Variants in RAB11FIP3 observed in about 807,000 individuals in gnomAD.
The protein encoded by RAB11FIP3 is rab11 family-interacting protein 3.
RAB11FIP3 carries 17 observed loss-of-function variants against 77.8 expected under a neutral mutation model. The observed-to-expected ratio is 0.22, with a 90% CI of 0.15 to 0.33. The LOEUF (loss-of-function observed/expected upper bound fraction) is 0.33. Among genes scored for constraint, RAB11FIP3 ranks in the 10% least tolerant of loss-of-function variants. The pLI, the probability that RAB11FIP3 is intolerant of heterozygous loss-of-function variation, is 1.00. For missense variants in RAB11FIP3, 1,005 were observed against 1,011.2 expected (o/e 0.99, Z 0.08); for synonymous variants, 437 against 448.2 (o/e 0.98, Z 0.31).
intron 4 of RAB11FIP3, among the ~76,000 whole-genome samples, chr16:484,802 A>C (rs1433806217): frequency 6.6e-6 from 1 of 152,110 alleles, no homozygotes; most frequent in Non-Finnish European, 1.5e-5. Context: ...TGCTGTAGGG[A>C]TTCCATGTCT....
chr16:464,112 G>A (rs1224835155), intron 2 of RAB11FIP3, among the ~76,000 whole-genome samples: 1 of 152,156 alleles, frequency 6.6e-6, no homozygotes, highest in African/African-American at 2.4e-5. Flanking sequence ...GTGCAGGCAA[G>A]CTCTGGGTCA....
chr16:516,552 T>A (rs138271497), intron 9 of RAB11FIP3, among the ~76,000 whole-genome samples: 1 of 152,154 alleles, frequency 6.6e-6, no homozygotes, highest in East Asian at 1.9e-4. Context: ...AGTGCGTGAG[T>A]CCATATGACA....
intron 4 of RAB11FIP3, among the ~76,000 whole-genome samples, chr16:488,271 T>A (rs1225691591): frequency 6.6e-6 from 1 of 151,308 alleles, no homozygotes; most frequent in Non-Finnish European, 1.5e-5. Flanking sequence ...TCCCAGCTAC[T>A]CGGGAGGTGG....
chr16:438,093 G>A (rs1312369505), intron 1 of RAB11FIP3, among the ~76,000 whole-genome samples: 1 of 151,840 alleles, frequency 6.6e-6, no homozygotes, highest in African/African-American at 2.4e-5. Flanking sequence ...ACAGGCATCA[G>A]CCACTGCGCC....
rs2031866244 is a variant in RAB11FIP3 at position 506,168 on chromosome 16, G to C, written c.1499+541G>C. On this transcript the variant is annotated intron_variant, in intron 8 of 13. Transcript: ENST00000262305. This position sits in a 1 kb window ranked among gnomAD's most constrained non-coding sequence, Gnocchi z 4.5. ...CGCCGTGTTTGCAGAGAAAGAGTGG[G>C]AGCTGCTTGCCTCACTCTGGTTTGC... Among the ~76,000 whole-genome samples the C allele has an allele frequency of 6.6e-6, 1 of 152,174 alleles. No individual in the cohort carries two copies. Among genetic ancestry groups the C allele is most frequent in the South Asian group, 2.1e-4 (1 of 4,824 alleles).
chr16:440,446 C>T (rs1313899345), intron 1 of RAB11FIP3, among the ~76,000 whole-genome samples: 1 of 152,198 alleles, frequency 6.6e-6, no homozygotes, highest in East Asian at 1.9e-4. Context: ...GCTGTCGTCC[C>T]TTCCCTGGGA....
chr16:440,484 C>G (rs1234827523), intron 1 of RAB11FIP3, among the ~76,000 whole-genome samples: 4 of 152,182 alleles, frequency 2.6e-5, no homozygotes, highest in Admixed American at 6.6e-5. Context: ...AAGGGAGGCT[C>G]TTGCTCTGCC....
chr16:502,651 G>A (rs2031596851), intron 6 of RAB11FIP3: 2 of 334,556 alleles, frequency 6.0e-6, no homozygotes, highest in Non-Finnish European at 5.5e-6. Flanking sequence ...GAGATTGTTC[G>A]TGTCTCTGCG....
Position 426,416 on chromosome 16 carries a change from G to C in RAB11FIP3, c.410G>C (p.Cys137Ser), listed in dbSNP as rs1354686304. 1 of 1,583,672 alleles carries C rather than the reference G, an allele frequency of 6.3e-7. No individual in the cohort carries two copies. Among genetic ancestry groups the C allele is most frequent in the South Asian group, 1.1e-5 (1 of 87,196 alleles). The change falls in exon 1 of 14, where the codon TGC (cysteine) becomes TCC (serine). Residue 137 changes from cysteine to serine, a missense_variant. Around this residue, in one of 4 missense-constraint regions of RAB11FIP3, gnomAD observed 466 missense variants for 408.3 expected, o/e 1.14. Transcript: ENST00000262305. This position sits in a 1 kb window ranked among gnomAD's most constrained non-coding sequence, Gnocchi z 5.0. ...CCCGAGGAGTGTGGCCCCGCGAGCTGCCCGGAGAGCGCGCCTTTCCGCTTG... is the reference window on the plus strand; with the variant it reads ...CCCGAGGAGTGTGGCCCCGCGAGCTCCCCGGAGAGCGCGCCTTTCCGCTTG... ...EEPEECGPAS[C>S]PESAPFRLQG...
intron 2 of RAB11FIP3, among the ~76,000 whole-genome samples, chr16:462,873 C>T (rs2055638969): frequency 6.6e-6 from 1 of 151,696 alleles, no homozygotes; most frequent in African/African-American, 2.4e-5. Flanking sequence ...CCTTCCTCAG[C>T]ACAATGTCTT....
chr16:488,135 C>G (rs982154935), intron 4 of RAB11FIP3, among the ~76,000 whole-genome samples: 1 of 152,178 alleles, frequency 6.6e-6, no homozygotes, highest in Non-Finnish European at 1.5e-5. Context: ...AATCCCAACA[C>G]TTTGGGAGGC....
intron 3 of RAB11FIP3, chr16:475,150 G>A (rs2055879037): frequency 2.6e-6 from 4 of 1,510,116 alleles, no homozygotes; most frequent in Non-Finnish European, 2.7e-6. Context: ...TTTCTGTGGT[G>A]GAGAGAGGCT....
At chr16:450,768 T>G (rs1483113723) in intron 1 of RAB11FIP3, among the ~76,000 whole-genome samples, 1 of 152,096 alleles carries the variant, frequency 6.6e-6, no homozygotes, top group Non-Finnish European at 1.5e-5. Context: ...TGGCTCGCAT[T>G]CTAGAGAAGC....
At chr16:519,948 C>T (rs1337092630) in intron 11 of RAB11FIP3, 57 bp downstream of exon 11, 1 of 1,530,080 alleles carries the variant, frequency 6.5e-7, no homozygotes, top group Non-Finnish European at 8.8e-7. Flanking sequence ...CCACGGGGAG[C>T]CTTTGTTTCC....
In RAB11FIP3 at chr16:447,229, C is replaced by G. The variant is rs542339659; in HGVS notation, c.715-14175C>G. Among the ~76,000 whole-genome samples, 752 of 152,112 alleles carry G rather than the reference C, an allele frequency of 4.9e-3. 4 individuals are homozygous for G. Among genetic ancestry groups the G allele is most frequent in the African/African-American group, 0.017 (720 of 41,502 alleles). On this transcript the variant is annotated intron_variant, in intron 1 of 13. Transcript: ENST00000262305. ...CTGAGGCAGGAGGATCACTTGAGGCCAGGAATTTGAGGCTTCAGTGAGCTA... is the reference window on the plus strand; with the variant it reads ...CTGAGGCAGGAGGATCACTTGAGGCGAGGAATTTGAGGCTTCAGTGAGCTA...
intron 9 of RAB11FIP3, among the ~76,000 whole-genome samples, chr16:511,011 A>C (rs1277011029): frequency 2.5e-4 from 32 of 128,056 alleles, no homozygotes; most frequent in East Asian, 4.9e-4. Flanking sequence ...AGTTCCCCGA[A>C]AGTCCGCCAA....
chr16:473,610 ATT>A (rs5815048), intron 3 of RAB11FIP3, among the ~76,000 whole-genome samples: 1 of 150,536 alleles, frequency 6.6e-6, no homozygotes, highest in Non-Finnish European at 1.5e-5. Context: ...GATTTTTTGT[ATT>A]TTTTTTTTGT....
intron 1 of RAB11FIP3, among the ~76,000 whole-genome samples, chr16:432,653 T>A (rs1249543116): frequency 6.7e-6 from 1 of 148,826 alleles, no homozygotes. Flanking sequence ...AGGCTGGAGT[T>A]CAGTGGTACG....
rs2055451666 is a variant in RAB11FIP3, at chr16:453,841, C to T, written c.715-7563C>T. Among the ~76,000 whole-genome samples, 5 of 151,976 alleles carry T rather than the reference C, an allele frequency of 3.3e-5. No individual in the cohort carries two copies. In the South Asian group the frequency reaches 1.0e-3, roughly 31 times the overall value. ...AACTCCAGAGCTCAGGCAATCTGCT[C>T]ACCTCGGCCTTTCAAAGTTCTGGGA... On this transcript the variant is annotated intron_variant, in intron 1 of 13. Coordinates refer to ENST00000262305, the MANE Select transcript of RAB11FIP3 (RefSeq NM_014700.4).
Sources: allele counts gnomAD v4.1 joint callset (sites outside exome capture counted in the v4.1 genomes callset), GRCh38; gene constraint gnomAD v4.1.1; regional missense constraint gnomAD v4.1.1; non-coding constraint Gnocchi (gnomAD v3.1); transcripts MANE v1.5; gene names NCBI Gene and HGNC (gene_info 2026-07-23, HGNC 2026-07-21).